The following SLC24A1 variants were observed in gnomAD, a reference collection of about 807,000 sequenced individuals.
SLC24A1 encodes the protein solute carrier family 24 member 1.
SLC24A1 carries 52 observed loss-of-function variants against 88.1 expected under a neutral mutation model. The observed-to-expected ratio is 0.59, with a 90% CI of 0.47 to 0.74. The LOEUF (loss-of-function observed/expected upper bound fraction) is 0.74. Among genes scored for constraint, SLC24A1 ranks in the 30% least tolerant of loss-of-function variants. The pLI, the probability that SLC24A1 is intolerant of heterozygous loss-of-function variation, is 0.00. For synonymous variants in SLC24A1, 455 were observed against 498.0 expected (o/e 0.91, Z 1.15); for missense variants, 1,173 against 1,363.3 (o/e 0.86, Z 2.20).
chr15:65,620,383 T>G (rs1236224134), upstream of SLC24A1, among the ~76,000 whole-genome samples: 1 of 152,214 alleles, frequency 6.6e-6, no homozygotes, highest in Admixed American at 6.5e-5. Context: ...CCCGGCACTA[T>G]TAATATGTTT....
At chr15:65,632,312 G>A (rs988793899) in intron 2 of SLC24A1, among the ~76,000 whole-genome samples, 5 of 152,212 alleles carry the variant, frequency 3.3e-5, no homozygotes, top group African/African-American at 1.2e-4. Context: ...TGGACTTGGT[G>A]TGAAGTGGAT....
At chr15:65,619,016 A>C (rs1440105957), upstream of SLC24A1, 1 of 152,268 alleles carries the variant, frequency 6.6e-6, no homozygotes, top group Non-Finnish European at 1.5e-5. Context: ...AAGATGTGTC[A>C]TAGGATGTTT....
At chr15:65,657,477 T>C (rs961389108), downstream of SLC24A1, among the ~76,000 whole-genome samples, 4 of 151,386 alleles carry the variant, frequency 2.6e-5, no homozygotes, top group African/African-American at 4.9e-5. Flanking sequence ...CCGTCTCTAC[T>C]AAAAAAATAC....
rs763880354 is a variant in SLC24A1, at chr15:65,625,405, C to G, written c.1325C>G (p.Pro442Arg). 3 of 1,614,074 alleles carry G rather than the reference C, an allele frequency of 1.9e-6. No homozygotes were observed. Among genetic ancestry groups the G allele is most frequent in the African/African-American group, 1.3e-5 (1 of 75,064 alleles). ...PDLHPKGEYP[P>R]DLFSVEERRQ... ...CTCCACCCCAAGGGAGAGTACCCCC[C>G]AGATCTGTTCAGTGTGGAGGAGCGG... The change falls in exon 2 of 10, where the codon CCA becomes CGA. Residue 442 changes from proline (P) to arginine (R), a missense_variant. Pro to Arg is a moderately radical substitution (Grantham distance 103, BLOSUM62 -2). Coordinates refer to ENST00000261892, the MANE Select transcript of SLC24A1 (RefSeq NM_004727.3).
chr15:65,615,977 T>C (rs930524298), intron 2 of SLC24A1, among the ~76,000 whole-genome samples: 2 of 149,600 alleles, frequency 1.3e-5, no homozygotes, highest in South Asian at 2.1e-4. Flanking sequence ...GAACATGCAG[T>C]GTTTGGTTTT....
downstream of SLC24A1, among the ~76,000 whole-genome samples, chr15:65,657,622 C>T (rs1438397642): frequency 6.6e-6 from 1 of 152,142 alleles, no homozygotes; most frequent in Non-Finnish European, 1.5e-5. Context: ...CCAGCCTGGG[C>T]AACAGCGAGA....
In SLC24A1 at chr15:65,635,952, G is replaced by A. The variant is rs147943949; in HGVS notation, c.1891-2176G>A. On this transcript the variant is annotated intron_variant, in intron 2 of 9. Coordinates refer to ENST00000261892, the MANE Select transcript of SLC24A1 (RefSeq NM_004727.3). ...ATGTAAATAGTATAGCAGGTTCTCAGTAAATAAGAACTGCATGAATGAATA... is the reference window on the plus strand; with the variant it reads ...ATGTAAATAGTATAGCAGGTTCTCAATAAATAAGAACTGCATGAATGAATA... Among the ~76,000 whole-genome samples the A allele has an allele frequency of 1.6e-3, 242 of 152,310 alleles. 1 individual carries two copies. Among genetic ancestry groups the A allele is most frequent in the African/African-American group, 5.4e-3 (224 of 41,558 alleles).
chr15:65,633,821 C>T (rs902443932), intron 2 of SLC24A1, among the ~76,000 whole-genome samples: 22 of 152,138 alleles, frequency 1.4e-4, no homozygotes, highest in African/African-American at 5.1e-4. Context: ...TAGACTCTTA[C>T]TGGGTGACAG....
chr15:65,613,000 T>G (rs965200439), intron 2 of SLC24A1, among the ~76,000 whole-genome samples: 1 of 152,188 alleles, frequency 6.6e-6, no homozygotes, highest in African/African-American at 2.4e-5. Flanking sequence ...TGGAATCCCA[T>G]TACAAATCAG....
At chr15:65,641,214 AAC>A (rs1429685427) in intron 4 of SLC24A1, among the ~76,000 whole-genome samples, 1 of 151,726 alleles carries the variant, frequency 6.6e-6, no homozygotes, top group African/African-American at 2.4e-5. Flanking sequence ...CTCTACTAAA[AAC>A]ACAAAAATTG....
Position 65,625,250 on chromosome 15 carries a change from G to C in SLC24A1, c.1170G>C (p.Gln390His). ...CGGTCAGGGCAAAGCTGACCATGCA[G>C]GTCCATCACTGTGTGGTTGTGAAGC... Reference protein sequence around the residue: ...TPTVRAKLTMQVHHCVVVKPT... With the variant: ...TPTVRAKLTMHVHHCVVVKPT... The change falls in exon 2 of 10, where the codon CAG becomes CAC. Residue 390 changes from glutamine to histidine, a missense_variant. Gln to His is a conservative substitution (Grantham distance 24). Coordinates refer to ENST00000261892, the MANE Select transcript of SLC24A1 (RefSeq NM_004727.3). 2 of 1,613,922 alleles carry C rather than the reference G, an allele frequency of 1.2e-6. No homozygotes were observed. Among genetic ancestry groups the C allele is most frequent in the Non-Finnish European group, 1.7e-6 (2 of 1,179,874 alleles).
chr15:65,628,682 C>G lies in SLC24A1; in HGVS notation c.1890+2712C>G, dbSNP rs558255242. On this transcript the variant is annotated intron_variant, in intron 2 of 9. Transcript: ENST00000261892. ...GTGATCCTTACCATTGATCATGAATCACGATATCTGGGTTTTAAGCCAGGT... is the reference window on the plus strand; with the variant it reads ...GTGATCCTTACCATTGATCATGAATGACGATATCTGGGTTTTAAGCCAGGT... Among the ~76,000 whole-genome samples the G allele has an allele frequency of 1.1e-4, 16 of 152,322 alleles. No homozygotes were observed. The South Asian group carries it at 3.3e-3, about 32-fold the overall frequency.
At chr15:65,642,715 A>T (rs2075169342) in intron 4 of SLC24A1, among the ~76,000 whole-genome samples, 1 of 152,188 alleles carries the variant, frequency 6.6e-6, no homozygotes, top group African/African-American at 2.4e-5. Flanking sequence ...GAGGGACCAC[A>T]CATGTCATAG....
Position 65,654,860 on chromosome 15 carries a change from A to C in SLC24A1, c.*781A>C, listed in dbSNP as rs1161547175. ...TGATCTGCCCGCCTCGGCCTCCCAA[A>C]GTGCTGGGATTACAGGCGTCAGCCA... On this transcript the variant is annotated 3_prime_UTR_variant, in exon 10 of 10. Transcript: ENST00000261892. 8.8e-7 allele frequency: 1 copy of C among 1,133,324 alleles called. No individual in the cohort carries two copies. The highest frequency in any genetic ancestry group is 6.1e-5 in the East Asian group (1 of 16,300). 70.2% of individuals were successfully genotyped at this position (1,133,324 alleles called of 1,614,324 possible).
At chr15:65,631,839 A>G (rs181467983) in intron 2 of SLC24A1, among the ~76,000 whole-genome samples, 59 of 151,936 alleles carry the variant, frequency 3.9e-4, no homozygotes, top group African/African-American at 1.4e-3. Flanking sequence ...ATTTTATTTT[A>G]TTTTTATTTT....
chr15:65,655,549 A>C lies in SLC24A1; in HGVS notation c.*1470A>C. 1.0e-6 allele frequency: 1 copy of C among 985,432 alleles called. No homozygotes were observed. The highest frequency in any genetic ancestry group is 1.2e-6 in the Non-Finnish European group (1 of 829,926). The allele number at this position is 985,432 out of a possible 1,614,324, so 61.0% of individuals were successfully genotyped here. ...TGCTGCTTTTACTAGAATCAAGTTA[A>C]GGGACACGTTAGAAATAGAACAGCT... On this transcript the variant is annotated 3_prime_UTR_variant, in exon 10 of 10. Transcript: ENST00000261892.
intron 5 of SLC24A1, among the ~76,000 whole-genome samples, chr15:65,645,169 C>T (rs949715108): frequency 2.0e-5 from 3 of 152,218 alleles, no homozygotes; most frequent in Admixed American, 6.5e-5. Flanking sequence ...AGTGAGAGAA[C>T]CTGTACCTAA....
chr15:65,639,342 G>A (rs185354841), intron 3 of SLC24A1, among the ~76,000 whole-genome samples: 30 of 152,206 alleles, frequency 2.0e-4, no homozygotes, highest in African/African-American at 7.0e-4. Flanking sequence ...AATACACCAG[G>A]TTGCTCCCTG....
intron 2 of SLC24A1, among the ~76,000 whole-genome samples, chr15:65,615,269 T>C (rs2074100350): frequency 6.6e-6 from 1 of 152,188 alleles, no homozygotes; most frequent in Non-Finnish European, 1.5e-5. Flanking sequence ...AGGCCCCTCA[T>C]GATCTGGGCC....
Sources: gnomAD v4.1 joint callset for allele counts (sites outside exome capture counted in the v4.1 genomes callset) on GRCh38, gnomAD v4.1.1 for gene constraint, MANE v1.5 for transcripts, NCBI Gene and HGNC (gene_info 2026-07-23, HGNC 2026-07-21) for gene names.